Variants in ZFHX3 observed in about 807,000 individuals in gnomAD.
ZFHX3 encodes zinc finger homeobox protein 3.
ZFHX3 carries 42 observed loss-of-function variants against 279.1 expected under a neutral mutation model. The ratio of observed to expected loss-of-function variants is 0.15; its 90% CI spans 0.12 to 0.19. ZFHX3 has a LOEUF of 0.19. ZFHX3 is among the 10% of genes least tolerant of loss of function. The pLI is 1.00. For synonymous variants in ZFHX3, 2,293 were observed against 1,957.8 expected, an observed-to-expected ratio of 1.17 and a Z score of -4.52; for missense variants, 4,981 against 4,754.0, an observed-to-expected ratio of 1.05 and a Z score of -1.40.
At position 72,916,322 on chromosome 16, in the gene ZFHX3, G is replaced by A. The variant is rs146770672; in HGVS notation, c.3217-26360C>T. On this transcript the variant is annotated intron_variant, in intron 3 of 9. Coordinates refer to ENST00000268489, the MANE Select transcript of ZFHX3 (RefSeq NM_006885.4). Reference sequence around the variant, plus strand: ...GCTTGTGAACAATCTGGAATGGGGGGATCTAATTATACTATGGTAAGAGGT... The same window carrying A: ...GCTTGTGAACAATCTGGAATGGGGGAATCTAATTATACTATGGTAAGAGGT... Among the ~76,000 whole-genome samples the A allele has an allele frequency of 4.1e-4, 62 of 152,290 alleles. 1 individual carries two copies. The East Asian group carries it at 0.012, about 28-fold the overall frequency.
chr16:72,832,502 G>C (rs1489764135), intron 4 of ZFHX3, among the ~76,000 whole-genome samples: 1 of 152,130 alleles, frequency 6.6e-6, no homozygotes, highest in Non-Finnish European at 1.5e-5. Flanking sequence ...TTTTTAAAAA[G>C]ATTTACAAAT....
At chr16:73,406,694 T>C (rs1391983205) in intron 3 of ZFHX3, among the ~76,000 whole-genome samples, 1 of 152,222 alleles carries the variant, frequency 6.6e-6, no homozygotes, top group Admixed American at 6.5e-5. Context: ...TCTGGAACAC[T>C]CTGAGTGCTC....
intron 5 of ZFHX3, among the ~76,000 whole-genome samples, chr16:73,163,405 A>G (rs1967286204): frequency 6.6e-6 from 1 of 152,236 alleles, no homozygotes; most frequent in Non-Finnish European, 1.5e-5. Context: ...CTCACAGGCC[A>G]AATCCAGCCC....
At chr16:72,949,158 A>G (rs1196643051) in intron 3 of ZFHX3, among the ~76,000 whole-genome samples, 1 of 152,162 alleles carries the variant, frequency 6.6e-6, no homozygotes, top group Non-Finnish European at 1.5e-5. Flanking sequence ...ACAATTATCA[A>G]CCCCGGCAGA....
upstream of ZFHX3, chr16:73,061,897 G>A (rs1359361406): frequency 6.6e-6 from 1 of 152,106 alleles, no homozygotes; most frequent in Non-Finnish European, 1.5e-5. Flanking sequence ...GCTATTTGGA[G>A]GAAATTCTGG....
chr16:73,316,691 G>T lies in ZFHX3; in HGVS notation c.-1194+1549C>A, dbSNP rs1295188542. Reference sequence around the variant, plus strand: ...TTTGGTGACCTCAGCAAATTCTTGCGATAAAATGCTTGATTTTTATCACCT... The same window carrying T: ...TTTGGTGACCTCAGCAAATTCTTGCTATAAAATGCTTGATTTTTATCACCT... On this transcript the variant is annotated intron_variant, in intron 4 of 17. Coordinates refer to the ZFHX3 transcript ENST00000641206. Among the ~76,000 whole-genome samples the T allele has an allele frequency of 2.0e-5, 3 of 152,052 alleles. No homozygotes were observed. In the South Asian group the frequency reaches 6.2e-4, roughly 32 times the overall value.
At chr16:72,937,062 G>A (rs1282668396) in intron 3 of ZFHX3, among the ~76,000 whole-genome samples, 1 of 152,176 alleles carries the variant, frequency 6.6e-6, no homozygotes, top group Non-Finnish European at 1.5e-5. Flanking sequence ...GGCCCTAACC[G>A]AGATGGGGGA....
intron 3 of ZFHX3, among the ~76,000 whole-genome samples, chr16:73,375,796 C>T (rs2016713114): frequency 6.6e-6 from 1 of 152,216 alleles, no homozygotes; most frequent in South Asian, 2.1e-4. Flanking sequence ...TCAGCGATAT[C>T]ATTACTGAAA....
chr16:72,930,255 C>T (rs189954080), intron 3 of ZFHX3, among the ~76,000 whole-genome samples: 17 of 152,088 alleles, frequency 1.1e-4, no homozygotes, highest in African/African-American at 3.9e-4. Flanking sequence ...AAATAATATA[C>T]TTCATACTCT....
At chr16:73,237,412 A>G (rs72797330) in intron 5 of ZFHX3, among the ~76,000 whole-genome samples, 1 of 150,992 alleles carries the variant, frequency 6.6e-6, no homozygotes, top group Non-Finnish European at 1.5e-5. Context: ...TGCCCAGCTA[A>G]TTTTTTTTAA....
intron 3 of ZFHX3, among the ~76,000 whole-genome samples, chr16:72,906,986 T>C (rs1387391248): frequency 6.6e-6 from 1 of 152,138 alleles, no homozygotes; most frequent in Non-Finnish European, 1.5e-5. Flanking sequence ...GCGTGCACAG[T>C]GGCATGTGGA....
chr16:73,863,496 G>C (rs1266078303), intron 1 of ZFHX3, among the ~76,000 whole-genome samples: 1 of 152,142 alleles, frequency 6.6e-6, no homozygotes, highest in African/African-American at 2.4e-5. Context: ...TCTTCACACA[G>C]AGCAGAATAC....
chr16:73,647,312 T>C (rs550232148), intron 2 of ZFHX3, among the ~76,000 whole-genome samples: 3 of 152,154 alleles, frequency 2.0e-5, no homozygotes, highest in Non-Finnish European at 2.9e-5. Context: ...CTAAGTGATA[T>C]AGTTTGCATT....
intron 3 of ZFHX3, among the ~76,000 whole-genome samples, chr16:72,928,643 T>A (rs1959619686): frequency 1.3e-5 from 2 of 152,232 alleles, no homozygotes; most frequent in African/African-American, 4.8e-5. Flanking sequence ...CTCTTTTACC[T>A]CCCTCACCAG....
intron 2 of ZFHX3, among the ~76,000 whole-genome samples, chr16:72,954,939 C>G (rs1961177090): frequency 6.6e-6 from 1 of 152,296 alleles, no homozygotes; most frequent in Middle Eastern, 3.4e-3. Context: ...AGAACTCAGT[C>G]ACATCTAATA....
chr16:73,800,329 C>T (rs189965642), intron 1 of ZFHX3, among the ~76,000 whole-genome samples: 24 of 152,026 alleles, frequency 1.6e-4, no homozygotes, highest in African/African-American at 5.1e-4. Flanking sequence ...GCAATTCTCC[C>T]GTCTCAGCCT....
intron 5 of ZFHX3, among the ~76,000 whole-genome samples, chr16:73,238,848 G>A (rs544755385): frequency 3.3e-5 from 5 of 152,186 alleles, no homozygotes; most frequent in East Asian, 3.9e-4. Context: ...TTCCTGGAAC[G>A]TTCACCTCGG....
intron 2 of ZFHX3, among the ~76,000 whole-genome samples, chr16:73,543,408 T>A (rs12444022): frequency 0.19 from 28,831 of 152,086 alleles, 3,183 homozygotes; most frequent in African/African-American, 0.31. Flanking sequence ...GAGCTGTGCA[T>A]CTCGGCCTGG....
intron 3 of ZFHX3, among the ~76,000 whole-genome samples, chr16:73,347,338 C>G (rs1399227730): frequency 1.3e-5 from 2 of 152,216 alleles, no homozygotes; most frequent in Non-Finnish European, 2.9e-5. Flanking sequence ...CTGGATGCCC[C>G]GTAACAGGTA....
Sources: gnomAD v4.1 joint callset for allele counts (sites outside exome capture counted in the v4.1 genomes callset) on GRCh38, gnomAD v4.1.1 for gene constraint, MANE v1.5 for transcripts, NCBI Gene and HGNC (gene_info 2026-07-23, HGNC 2026-07-21) for gene names.